PCCA: variants seen among roughly 807,000 people sequenced by gnomAD.
PCCA encodes the protein propionyl-CoA carboxylase alpha chain, mitochondrial.
A neutral mutation model predicts 101.3 loss-of-function variants in PCCA; 74 were observed. The ratio of observed to expected loss-of-function variants is 0.73; its 90% confidence interval spans 0.61 to 0.89. The LOEUF (loss-of-function observed/expected upper bound fraction) is 0.89, where lower values mean the gene tolerates loss of function less well. Among genes scored for constraint, PCCA ranks in the 40% least tolerant of loss-of-function variants. PCCA has a pLI of 0.00. For synonymous variants in PCCA, 294 were observed against 313.6 expected, an observed-to-expected ratio of 0.94 and a Z score of 0.66; for missense variants, 891 against 907.0, an observed-to-expected ratio of 0.98 and a Z score of 0.23.
At chr13:100,339,674 G>A (rs1326814065) in intron 17 of PCCA, among the ~76,000 whole-genome samples, 1 of 152,164 alleles carries the variant, frequency 6.6e-6, no homozygotes, top group African/African-American at 2.4e-5. Context: ...GAAGAATCAC[G>A]GCGTGATATT....
intron 19 of PCCA, among the ~76,000 whole-genome samples, chr13:100,400,498 T>C (rs2077272038): frequency 6.6e-6 from 1 of 152,060 alleles, no homozygotes; most frequent in African/African-American, 2.4e-5. Flanking sequence ...GGCTCTTGGG[T>C]TGGGAATTAT....
intron 20 of PCCA, among the ~76,000 whole-genome samples, chr13:100,427,073 C>T (rs1006432911): frequency 2.0e-5 from 3 of 152,068 alleles, no homozygotes; most frequent in Admixed American, 1.3e-4. Flanking sequence ...AAAAATTAGC[C>T]GGGTGTGGTG....
At chr13:100,200,885 T>G (rs1257395275) in intron 6 of PCCA, among the ~76,000 whole-genome samples, 1 of 152,118 alleles carries the variant, frequency 6.6e-6, no homozygotes, top group Non-Finnish European at 1.5e-5. Flanking sequence ...TAGCAATATT[T>G]TCCATTACAA....
chr13:100,228,511 G>A (rs1447977011), intron 7 of PCCA, among the ~76,000 whole-genome samples: 1 of 152,124 alleles, frequency 6.6e-6, no homozygotes, highest in African/African-American at 2.4e-5. Flanking sequence ...AGAGTGTTAA[G>A]AATAATCAGC....
intron 6 of PCCA, among the ~76,000 whole-genome samples, chr13:100,171,777 A>T (rs902787368): frequency 5.9e-5 from 9 of 152,168 alleles, no homozygotes; most frequent in African/African-American, 2.2e-4. Context: ...TCACGCCTGT[A>T]ATCTCAGCAC....
intron 4 of PCCA, among the ~76,000 whole-genome samples, chr13:100,143,407 C>T (rs187771012): frequency 1.9e-3 from 290 of 151,768 alleles, no homozygotes; most frequent in Non-Finnish European, 3.6e-3. Flanking sequence ...TGGTGGTGCA[C>T]GCCTGTAGTC....
At chr13:100,177,866 A>G (rs1351120317) in intron 6 of PCCA, among the ~76,000 whole-genome samples, 1 of 152,206 alleles carries the variant, frequency 6.6e-6, no homozygotes, top group Non-Finnish European at 1.5e-5. Flanking sequence ...TAAGTAGACT[A>G]TATAAAGTAT....
chr13:100,089,283 C>G, intron 1 of PCCA, 58 bp downstream of exon 1: 1 of 1,367,786 alleles, frequency 7.3e-7, no homozygotes, highest in East Asian at 3.0e-5. Context: ...GCCGTGCCGC[C>G]TCTGGGCGGC....
chr13:100,520,684 A>G (rs1455250062), intron 22 of PCCA, among the ~76,000 whole-genome samples: 4 of 151,810 alleles, frequency 2.6e-5, no homozygotes, highest in Non-Finnish European at 5.9e-5. Flanking sequence ...GAGGTAACAA[A>G]TATCTATTAG....
chr13:100,188,247 C>T (rs2057450035), intron 6 of PCCA, among the ~76,000 whole-genome samples: 2 of 151,968 alleles, frequency 1.3e-5, no homozygotes, highest in Non-Finnish European at 1.5e-5. Context: ...GAGCCGAGAT[C>T]GTGCCACTGC....
chr13:100,462,491 G>A (rs914154267), intron 21 of PCCA, among the ~76,000 whole-genome samples: 3 of 152,152 alleles, frequency 2.0e-5, no homozygotes, highest in South Asian at 4.1e-4. Context: ...TATCAGTGCT[G>A]AGATGGGTAA....
At chr13:100,458,306 C>A in intron 21 of PCCA, among the ~76,000 whole-genome samples, 1 of 68,902 alleles carries the variant, frequency 1.5e-5, no homozygotes, top group Non-Finnish European at 3.3e-5. Context: ...CACACACACA[C>A]ACACACACAC....
At chr13:100,271,055 G>C (rs913318091) in intron 11 of PCCA, among the ~76,000 whole-genome samples, 1 of 151,160 alleles carries the variant, frequency 6.6e-6, no homozygotes, top group Admixed American at 6.6e-5. Flanking sequence ...CTACTAATGT[G>C]CTTTGAGGGC....
intron 1 of PCCA, among the ~76,000 whole-genome samples, chr13:100,090,992 A>AG (rs1555338671): frequency 6.6e-6 from 1 of 152,148 alleles, no homozygotes; most frequent in East Asian, 1.9e-4. Flanking sequence ...TCTAACAAAC[A>AG]GAGATGAATG....
intron 19 of PCCA, among the ~76,000 whole-genome samples, chr13:100,397,879 A>C (rs2077125955): frequency 6.6e-6 from 1 of 152,202 alleles, no homozygotes; most frequent in Non-Finnish European, 1.5e-5. Context: ...AACCATAGAC[A>C]AACTTGTGAG....
At chr13:100,376,760 C>T (rs923721589) in intron 19 of PCCA, among the ~76,000 whole-genome samples, 1 of 152,192 alleles carries the variant, frequency 6.6e-6, no homozygotes, top group African/African-American at 2.4e-5. Context: ...CTGGGATCCG[C>T]TGAGCAAGAC....
chr13:100,114,065 A>G (rs1296052440), intron 4 of PCCA, among the ~76,000 whole-genome samples: 1 of 152,170 alleles, frequency 6.6e-6, no homozygotes, highest in East Asian at 1.9e-4. Flanking sequence ...ACATTAGCCT[A>G]GACCTGCAGA....
intron 19 of PCCA, among the ~76,000 whole-genome samples, chr13:100,400,448 A>G (rs141696491): frequency 0.011 from 1,690 of 152,090 alleles, 15 homozygotes; most frequent in Middle Eastern, 0.024. Context: ...TGTGGATTTT[A>G]ATAGGAGTTT....
chr13:100,212,353 A>G (rs544916650), intron 7 of PCCA, among the ~76,000 whole-genome samples: 2 of 152,222 alleles, frequency 1.3e-5, no homozygotes, highest in Non-Finnish European at 2.9e-5. Context: ...ACTCAACTAC[A>G]TGGGACACAT....
Sources: allele counts gnomAD v4.1 joint callset (sites outside exome capture counted in the v4.1 genomes callset), GRCh38; gene constraint gnomAD v4.1.1; transcripts MANE v1.5; gene names NCBI Gene and HGNC (gene_info 2026-07-23, HGNC 2026-07-21).